AKAP1: variants seen among roughly 807,000 people sequenced by gnomAD.
AKAP1 encodes the protein A-kinase anchor protein 1, mitochondrial.
AKAP1 carries 32 observed loss-of-function variants against 79.8 expected under a neutral mutation model. The observed-to-expected ratio is 0.40, with a 90% CI of 0.30 to 0.54. AKAP1 has a LOEUF of 0.54. AKAP1 is among the 20% of genes least tolerant of loss of function. AKAP1 has a pLI of 0.47. For synonymous variants in AKAP1, 416 were observed against 466.7 expected, an observed-to-expected ratio of 0.89 and a Z score of 1.40; for missense variants, 961 against 1,138.9, an observed-to-expected ratio of 0.84 and a Z score of 2.25.
intron 1 of AKAP1, chr17:57,095,097 C>G (rs1438925305): frequency 6.6e-6 from 1 of 152,166 alleles, no homozygotes; most frequent in Non-Finnish European, 1.5e-5. Context: ...ACTTCCATGT[C>G]CTATGGACAA....
At chr17:57,101,667 C>T (rs1232970744) in intron 1 of AKAP1, 3 of 152,094 alleles carry the variant, frequency 2.0e-5, no homozygotes, top group African/African-American at 4.8e-5. Flanking sequence ...GTTGGAGAAC[C>T]GGTTGTGAAA....
chr17:57,115,683 A>G (rs1915537425), intron 6 of AKAP1, among the ~76,000 whole-genome samples: 1 of 152,206 alleles, frequency 6.6e-6, no homozygotes, highest in African/African-American at 2.4e-5. Flanking sequence ...GGGCTGGAGC[A>G]CACCCTAGGT....
intron 1 of AKAP1, chr17:57,095,218 G>A (rs568931533): frequency 6.6e-4 from 100 of 152,348 alleles, no homozygotes; most frequent in African/African-American, 2.1e-3. Context: ...TTGGAGTGCA[G>A]TGGTGCGATC....
chr17:57,103,944 G>A (rs1039606550), intron 1 of AKAP1, among the ~76,000 whole-genome samples: 2 of 151,986 alleles, frequency 1.3e-5, no homozygotes, highest in Non-Finnish European at 2.9e-5. Context: ...ATTCCTCCTT[G>A]CTTAGACCTA....
chr17:57,112,564 C>T lies in AKAP1; in HGVS notation c.2049C>T (p.Ile683=). The T allele has an allele frequency of 6.2e-7, 1 of 1,614,176 alleles. No individual in the cohort carries two copies. The highest frequency in any genetic ancestry group is 8.5e-7 in the Non-Finnish European group (1 of 1,180,022). Reference sequence around the variant, plus strand: ...TCAAAGAGCTGAACCTCACCAATATCTACGCTCCCCCATTGCCTTCACTGG... The same window carrying T: ...TCAAAGAGCTGAACCTCACCAATATTTACGCTCCCCCATTGCCTTCACTGG... ...KKFKELNLTN[I]YAPPLPSLAL... The change falls in exon 5 of 11, where the codon ATC becomes ATT. Residue 683 remains isoleucine (I), a synonymous_variant. Coordinates refer to ENST00000337714, the MANE Select transcript of AKAP1 (RefSeq NM_003488.4).
At chr17:57,100,232 G>A (rs1445858393) in intron 1 of AKAP1, among the ~76,000 whole-genome samples, 1 of 152,182 alleles carries the variant, frequency 6.6e-6, no homozygotes, top group Non-Finnish European at 1.5e-5. Flanking sequence ...TGCTATGGGA[G>A]TCACAGCTAT....
intron 5 of AKAP1, among the ~76,000 whole-genome samples, chr17:57,114,032 G>A (rs1915421488): frequency 6.6e-6 from 1 of 152,270 alleles, no homozygotes; most frequent in Admixed American, 6.5e-5. Context: ...TTATTTTCAG[G>A]AGTCTTGTTC....
At position 57,097,342 on chromosome 17, in the gene AKAP1, C is replaced by T. The variant is rs78482565; in HGVS notation, c.-24-8099C>T. Among the ~76,000 whole-genome samples, 915 of 152,304 alleles carry T rather than the reference C, an allele frequency of 6.0e-3. 8 individuals are homozygous for T. Among genetic ancestry groups the T allele is most frequent in the African/African-American group, 0.021 (865 of 41,554 alleles). ...GAGAGATTGATTCTTCCATCAGAAT[C>T]GTGTGCTTCTGGTGATCAGAATCTT... On this transcript the variant is annotated intron_variant, in intron 1 of 10. Transcript: ENST00000337714.
chr17:57,113,400 T>A (rs982253754), intron 5 of AKAP1, among the ~76,000 whole-genome samples: 11 of 151,918 alleles, frequency 7.2e-5, no homozygotes, highest in African/African-American at 2.7e-4. Flanking sequence ...TGTTTTTTTT[T>A]TGTTTTTTTG....
intron 1 of AKAP1, among the ~76,000 whole-genome samples, chr17:57,089,770 C>G (rs1913670943): frequency 6.6e-6 from 1 of 152,196 alleles, no homozygotes; most frequent in African/African-American, 2.4e-5. Flanking sequence ...GAGTTCTAGT[C>G]TGCCAGTTGG....
intron 6 of AKAP1, among the ~76,000 whole-genome samples, 186 bp from the exon 7 acceptor site, chr17:57,115,924 GT>G (rs1416967260): frequency 6.6e-6 from 1 of 152,166 alleles, no homozygotes; most frequent in Non-Finnish European, 1.5e-5. Flanking sequence ...TCACATCCAG[GT>G]TTTTCCCTCG....
chr17:57,120,293 A>C lies in AKAP1; in HGVS notation c.2681A>C (p.Gln894Pro), dbSNP rs1210353479. Residue 894 changes from glutamine to proline, a missense_variant, in exon 11 of 11, where the codon CAG becomes CCG. This residue lies in a region of AKAP1 where 629 missense variants were observed against 781.1 expected (regional missense o/e 0.81). Transcript: ENST00000337714. Reference protein sequence around the residue: ...NRSLVERGLAQWVDSYYTSL With the variant: ...NRSLVERGLAPWVDSYYTSL ...TCCCTGGTGGAGCGAGGCCTTGCCC[A>C]GTGGGTAGACAGCTACTACACAAGC... The C allele has an allele frequency of 6.2e-7, 1 of 1,613,826 alleles. No homozygotes were observed. The highest frequency in any genetic ancestry group is 1.7e-4 in the Middle Eastern group (1 of 6,056).
At chr17:57,108,652 A>G (rs1172498894) in intron 2 of AKAP1, among the ~76,000 whole-genome samples, 1 of 152,176 alleles carries the variant, frequency 6.6e-6, no homozygotes, top group African/African-American at 2.4e-5. Flanking sequence ...GGTGGGTGCC[A>G]AGCACGAGGT....
chr17:57,107,589 C>T (rs992970297), intron 2 of AKAP1, among the ~76,000 whole-genome samples: 13 of 152,158 alleles, frequency 8.5e-5, no homozygotes, highest in African/African-American at 1.2e-4. Flanking sequence ...CTTCCGCCCT[C>T]GGCCTCCCAG....
Position 57,107,052 on chromosome 17 carries a change from A to G in AKAP1, c.1588A>G (p.Lys530Glu), listed in dbSNP as rs1914932580. 1 of 1,614,172 alleles carries G rather than the reference A, an allele frequency of 6.2e-7. No homozygotes were observed. Reference sequence around the variant, plus strand: ...AGAGACCAGCTCGAGCCCCAGGGACAAGGCCATCACCCCGCCACTGCCAGA... The same window carrying G: ...AGAGACCAGCTCGAGCCCCAGGGACGAGGCCATCACCCCGCCACTGCCAGA... ...CTETSSSPRD[K>E]AITPPLPEST... Residue 530 changes from lysine (K) to glutamate (E), a missense_variant, in exon 2 of 11, where the codon AAG (lysine) becomes GAG (glutamate). By Grantham distance (56) the Lys-to-Glu change is moderately conservative. This residue lies in a region of AKAP1 where 629 missense variants were observed against 781.1 expected (regional missense o/e 0.81). Transcript: ENST00000337714.
At chr17:57,100,428 A>AACACACAC (rs71363890) in intron 1 of AKAP1, among the ~76,000 whole-genome samples, 2,852 of 149,788 alleles carry the variant, frequency 0.019, 94 homozygotes, top group African/African-American at 0.06. Flanking sequence ...TCTCTGCTAA[A>AACACACAC]ACACACACAC....
intron 3 of AKAP1, among the ~76,000 whole-genome samples, chr17:57,111,039 C>T (rs565644977): frequency 6.6e-6 from 1 of 152,178 alleles, no homozygotes; most frequent in East Asian, 1.9e-4. Flanking sequence ...TTGGTGGTTT[C>T]CTCCCTGGGG....
intron 1 of AKAP1, chr17:57,095,156 A>G (rs1408835092): frequency 2.0e-5 from 3 of 152,096 alleles, no homozygotes; most frequent in Non-Finnish European, 2.9e-5. Flanking sequence ...GGCCCACTGG[A>G]GAAAAGGTCA....
At chr17:57,112,073 T>A in intron 4 of AKAP1, 149 bp downstream of exon 4, 1 of 1,071,272 alleles carries the variant, frequency 9.3e-7, no homozygotes, top group Non-Finnish European at 1.3e-6. Flanking sequence ...CCCTGCAGCC[T>A]TTTCCCCATT....
Sources: allele counts gnomAD v4.1 joint callset (sites outside exome capture counted in the v4.1 genomes callset), GRCh38; gene constraint gnomAD v4.1.1; regional missense constraint gnomAD v4.1.1; transcripts MANE v1.5; gene names NCBI Gene and HGNC (gene_info 2026-07-23, HGNC 2026-07-21).